Variants in AFDN observed in about 807,000 individuals in gnomAD.
AFDN encodes afadin.
A neutral mutation model predicts 216.6 loss-of-function variants in AFDN; 68 were observed. That is an observed-to-expected ratio of 0.31 (90% CI 0.26 to 0.38). AFDN has a LOEUF of 0.38. AFDN is among the 10% of genes least tolerant of loss of function. The pLI is 1.00. For missense variants in AFDN, 2,136 were observed against 2,342.0 expected, an observed-to-expected ratio of 0.91 and a Z score of 1.82; for synonymous variants, 868 against 853.7, an observed-to-expected ratio of 1.02 and a Z score of -0.29.
At chr6:167,958,167 T>C (rs1041043656) in intron 30 of AFDN, among the ~76,000 whole-genome samples, 2 of 152,256 alleles carry the variant, frequency 1.3e-5, no homozygotes, top group African/African-American at 2.4e-5. Flanking sequence ...AAATATGTTA[T>C]AAAATTACCT....
intron 1 of AFDN, among the ~76,000 whole-genome samples, chr6:167,840,207 CA>C (rs1207935598): frequency 6.6e-6 from 1 of 152,150 alleles, no homozygotes; most frequent in African/African-American, 2.4e-5. Flanking sequence ...AATAGCTGGG[CA>C]AAGGGGTAAG....
At chr6:167,865,450 A>T (rs192577424) in intron 2 of AFDN, among the ~76,000 whole-genome samples, 80 of 152,142 alleles carry the variant, frequency 5.3e-4, no homozygotes, top group Non-Finnish European at 8.2e-4. Flanking sequence ...CCACAAAAAA[A>T]TAAAAAAAAA....
In AFDN at chr6:167,943,418, C is replaced by T; in HGVS notation, c.3182C>T (p.Ala1061Val). 1 of 1,614,074 alleles carries T rather than the reference C, an allele frequency of 6.2e-7. No homozygotes were observed. Among genetic ancestry groups the T allele is most frequent in the South Asian group, 1.1e-5 (1 of 91,086 alleles). ...GAADVDGRLAAGDQLLSVDGR... is the reference protein window; with the variant it reads ...GAADVDGRLAVGDQLLSVDGR... ...TTTGCCTAGGATGGACGTCTAGCTG[C>T]AGGTGATCAGCTCCTCAGTGTGGAT... Residue 1061 changes from alanine (A) to valine (V), a missense_variant, in exon 25 of 34, where the codon GCA (alanine) becomes GTA (valine). Transcript: ENST00000683244.
chr6:167,838,332 G>GCTATCTCT, intron 1 of AFDN, among the ~76,000 whole-genome samples: 1 of 152,008 alleles, frequency 6.6e-6, no homozygotes, highest in Non-Finnish European at 1.5e-5. Flanking sequence ...TCGCCATCTC[G>GCTATCTCT]CTTAGTCCCT....
intron 30 of AFDN, among the ~76,000 whole-genome samples, chr6:167,959,426 T>C (rs1317021112): frequency 6.6e-6 from 1 of 152,218 alleles, no homozygotes; most frequent in African/African-American, 2.4e-5. Flanking sequence ...GTTATGTCAC[T>C]TACCAGAGGT....
intron 1 of AFDN, among the ~76,000 whole-genome samples, chr6:167,830,978 C>T (rs546179056): frequency 8.8e-6 from 1 of 113,474 alleles, no homozygotes; most frequent in South Asian, 3.0e-4. Flanking sequence ...GTCTCACTCT[C>T]TTGCCCAGGC....
At chr6:167,914,882 GA>G in intron 18 of AFDN, 144 bp downstream of exon 18, 17 of 677,592 alleles carry the variant, frequency 2.5e-5, no homozygotes, top group Non-Finnish European at 4.2e-5. Flanking sequence ...AAATTTTAAC[GA>G]TTATTTGTTT....
chr6:167,921,520 T>G (rs142199143), intron 21 of AFDN, among the ~76,000 whole-genome samples: 2 of 152,338 alleles, frequency 1.3e-5, no homozygotes, highest in African/African-American at 4.8e-5. Flanking sequence ...TCAATATATA[T>G]TCCTTTGTTT....
chr6:167,858,248 G>A (rs1783123301), intron 1 of AFDN, among the ~76,000 whole-genome samples: 1 of 152,180 alleles, frequency 6.6e-6, no homozygotes, highest in East Asian at 1.9e-4. Flanking sequence ...ATGTGTAGCT[G>A]CTGTGAGCAG....
At chr6:167,915,469 T>A in intron 19 of AFDN, 36 bp downstream of exon 19, 6 of 1,571,596 alleles carry the variant, frequency 3.8e-6, no homozygotes, top group Non-Finnish European at 4.3e-6. Context: ...TCATGTGCTT[T>A]ATGATAAAGG....
rs182314889 is a variant in AFDN at position 167,916,665 on chromosome 6, C to T, written c.2566-424C>T. The stretch of plus-strand genomic sequence containing the variant: ...CCTAGGACTTTTTTTTTTAGTATTA[C>T]GTATAATTTTTTTCTCCATTTTTAA... On this transcript the variant is annotated intron_variant, in intron 19 of 33. Transcript: ENST00000683244. 4.3e-4 allele frequency among the ~76,000 whole-genome samples: 65 copies of T among 151,742 alleles called. No homozygotes were observed. In the East Asian group the frequency reaches 0.012, roughly 27 times the overall value.
intron 20 of AFDN, 98 bp downstream of exon 20, chr6:167,917,330 CTTAT>C: frequency 4.1e-6 from 5 of 1,213,482 alleles, no homozygotes; most frequent in Non-Finnish European, 5.5e-6. Context: ...AATACGTTAA[CTTAT>C]TTATTCTCAT....
At position 167,970,395 on chromosome 6, in the gene AFDN, T is replaced by A. The variant is rs976887936; in HGVS notation, c.*460T>A. 1 of 225,310 alleles carries A rather than the reference T, an allele frequency of 4.4e-6. No homozygotes were observed. Among genetic ancestry groups the A allele is most frequent in the African/African-American group, 2.2e-5 (1 of 44,630 alleles). The allele number at this position is 225,310 out of a possible 1,614,324, so 14.0% of individuals were successfully genotyped here. The stretch of plus-strand genomic sequence containing the variant: ...CTATTCAGACTATTGTTGGCACTGT[T>A]TAGTAGTGACCACACGCTCTTCTAC... On this transcript the variant is annotated 3_prime_UTR_variant, in exon 34 of 34. Transcript: ENST00000683244.
intron 27 of AFDN, among the ~76,000 whole-genome samples, chr6:167,947,364 A>G (rs576181103): frequency 3.3e-5 from 5 of 152,054 alleles, no homozygotes; most frequent in African/African-American, 9.7e-5. Flanking sequence ...TATTTTTAGT[A>G]GAGACGGGGT....
At chr6:167,869,125 A>C (rs1161944904) in intron 2 of AFDN, among the ~76,000 whole-genome samples, 1 of 151,792 alleles carries the variant, frequency 6.6e-6, no homozygotes, top group Non-Finnish European at 1.5e-5. Context: ...TTTGTGTGAC[A>C]GGGCACTGTC....
At chr6:167,892,085 C>T (rs779008927) in intron 8 of AFDN, among the ~76,000 whole-genome samples, 2 of 151,962 alleles carry the variant, frequency 1.3e-5, no homozygotes, top group Non-Finnish European at 2.9e-5. Flanking sequence ...CTCATGGTAC[C>T]GTAGGTTATA....
chr6:167,830,480 A>T (rs943525741), intron 1 of AFDN, among the ~76,000 whole-genome samples: 3 of 152,208 alleles, frequency 2.0e-5, no homozygotes, highest in African/African-American at 7.2e-5. Context: ...GCTTTCTAAA[A>T]ATGTAGTGAA....
At chr6:167,884,279 A>G (rs541300594) in intron 6 of AFDN, among the ~76,000 whole-genome samples, 67 of 152,216 alleles carry the variant, frequency 4.4e-4, no homozygotes, top group African/African-American at 1.5e-3. Context: ...GTTTCTTCCA[A>G]ACTCCTTTCA....
intron 5 of AFDN, among the ~76,000 whole-genome samples, chr6:167,876,011 C>G (rs1262419996): frequency 6.6e-6 from 1 of 152,046 alleles, no homozygotes; most frequent in Admixed American, 6.6e-5. Context: ...AATAACTAGT[C>G]ATTGTTTAAA....
Sources: allele counts gnomAD v4.1 joint callset (sites outside exome capture counted in the v4.1 genomes callset), GRCh38; gene constraint gnomAD v4.1.1; transcripts MANE v1.5; gene names NCBI Gene and HGNC (gene_info 2026-07-23, HGNC 2026-07-21).